HEPHL1: variants seen among roughly 807,000 people sequenced by gnomAD.
The protein encoded by HEPHL1 is ferroxidase HEPHL1.
A neutral mutation model predicts 122.0 loss-of-function variants in HEPHL1; 123 were observed. That is an observed-to-expected ratio of 1.01 (90% CI 0.87 to 1.17). HEPHL1 has a LOEUF of 1.17. Ranked by LOEUF, HEPHL1 falls within the 50% of genes most tolerant of loss-of-function variation. HEPHL1 has a pLI of 0.00. For missense variants in HEPHL1, 1,452 were observed against 1,430.5 expected (o/e 1.01, Z -0.24); for synonymous variants, 527 against 508.9 (o/e 1.04, Z -0.48).
In HEPHL1 at chr11:94,073,414, A is replaced by G; in HGVS notation, c.1479A>G (p.Ala493=). ...CCCATGGTGTGATCTATGACAAGGC[A>G]TCTGATGCAGCCCCAAACCTAGATG... is the stretch of plus-strand genomic sequence containing the variant. ...ILPHGVIYDK[A]SDAAPNLDGF... The change falls in exon 8 of 20, where the codon GCA becomes GCG. Residue 493 remains alanine, a synonymous_variant. Transcript: ENST00000315765. 6.4e-7 allele frequency: 1 copy of G among 1,556,746 alleles called. No individual in the cohort carries two copies. The highest frequency in any genetic ancestry group is 8.7e-7 in the Non-Finnish European group (1 of 1,149,164).
At chr11:94,071,562 A>G (rs965150042) in intron 6 of HEPHL1, among the ~76,000 whole-genome samples, 1 of 152,188 alleles carries the variant, frequency 6.6e-6, no homozygotes, top group Admixed American at 6.6e-5. Context: ...GAAAGATTAA[A>G]CTATATTCAA....
intron 4 of HEPHL1, among the ~76,000 whole-genome samples, chr11:94,066,424 G>A (rs1216328429): frequency 2.0e-5 from 3 of 152,018 alleles, no homozygotes; most frequent in Admixed American, 6.6e-5. Flanking sequence ...CATGGTGGTG[G>A]GCACCTGTAA....
chr11:94,093,330 T>A (rs981111445), intron 12 of HEPHL1, among the ~76,000 whole-genome samples, 171 bp from the exon 13 acceptor site: 1 of 152,038 alleles, frequency 6.6e-6, no homozygotes, highest in African/African-American at 2.4e-5. Context: ...AAAGTGCAGA[T>A]GCCTGGCCTC....
chr11:94,098,863 T>G (rs1946342718), intron 13 of HEPHL1, among the ~76,000 whole-genome samples: 1 of 152,242 alleles, frequency 6.6e-6, no homozygotes, highest in South Asian at 2.1e-4. Flanking sequence ...TTCAGCTCTA[T>G]CAGGTCATTT....
intron 18 of HEPHL1, 145 bp downstream of exon 18, chr11:94,111,210 A>G: frequency 1.4e-6 from 1 of 690,150 alleles, no homozygotes; most frequent in East Asian, 2.7e-5. Context: ...ATGTAACTAT[A>G]ATCAAGTATG....
chr11:94,082,968 ATTCCCAGC>A (rs1357957368), intron 10 of HEPHL1, among the ~76,000 whole-genome samples: 1 of 152,048 alleles, frequency 6.6e-6, no homozygotes, highest in East Asian at 1.9e-4. Flanking sequence ...GCGTGCCTAT[ATTCCCAGC>A]TACTCAGGAG....
chr11:94,104,586 A>C lies in HEPHL1; in HGVS notation c.2741A>C (p.Glu914Ala). 1.2e-6 allele frequency: 2 copies of C among 1,613,890 alleles called. No homozygotes were observed. Among genetic ancestry groups the C allele is most frequent in the South Asian group, 2.2e-5 (2 of 91,070 alleles). ...LITCRKGVLN[E>A]KGRRSDVDYE... ...ACATGCCGAAAAGGAGTCTTGAATGAAAAGGGAAGAAGAAGTGACGTTGAT... is the reference window on the plus strand; with the variant it reads ...ACATGCCGAAAAGGAGTCTTGAATGCAAAGGGAAGAAGAAGTGACGTTGAT... Residue 914 changes from glutamate (E) to alanine (A), a missense_variant, in exon 16 of 20, where the codon GAA (glutamate) becomes GCA (alanine). Glu to Ala is a moderately radical substitution (Grantham distance 107). Coordinates refer to ENST00000315765, the MANE Select transcript of HEPHL1 (RefSeq NM_001098672.2).
intron 5 of HEPHL1, among the ~76,000 whole-genome samples, chr11:94,069,162 T>C (rs907561892): frequency 6.6e-6 from 1 of 152,230 alleles, no homozygotes; most frequent in African/African-American, 2.4e-5. Flanking sequence ...GTAAGATCGC[T>C]AAATTAGCCC....
intron 2 of HEPHL1, chr11:94,055,780 AT>A (rs2134422176): frequency 2.5e-6 from 1 of 402,766 alleles, no homozygotes; most frequent in East Asian, 5.6e-5. Context: ...GTCAACGATA[AT>A]TGGTTTCTGT....
rs1308358179 is a variant in HEPHL1, at chr11:94,063,541, A to T, written c.449A>T (p.Asn150Ile). 6.2e-7 allele frequency: 1 copy of T among 1,612,514 alleles called. No homozygotes were observed. Among genetic ancestry groups the T allele is most frequent in the Non-Finnish European group, 8.5e-7 (1 of 1,179,254 alleles). The part of the protein sequence containing the change: ...ALYPDGTSGR[N>I]KNDDMVPPGK... ...TACCCAGATGGAACATCTGGAAGGA[A>T]CAAAAATGATGACATGGTTCCTCCT... Residue 150 changes from asparagine (N) to isoleucine (I), a missense_variant, in exon 3 of 20, where the codon AAC (asparagine) becomes ATC (isoleucine). Transcript: ENST00000315765.
intron 2 of HEPHL1, among the ~76,000 whole-genome samples, chr11:94,061,544 G>GT (rs59149604): frequency 0.078 from 11,873 of 152,080 alleles, 1,184 homozygotes; most frequent in African/African-American, 0.22. Flanking sequence ...AGATAACATA[G>GT]TTTTTTTAAA....
rs1946350196 is a variant in HEPHL1 at position 94,099,584 on chromosome 11, T to A, written c.2435-1611T>A. 2.0e-5 allele frequency among the ~76,000 whole-genome samples: 3 copies of A among 152,228 alleles called. No homozygotes were observed. In the South Asian group the frequency reaches 6.2e-4, roughly 31 times the overall value. On this transcript the variant is annotated intron_variant, in intron 13 of 19. Transcript: ENST00000315765. ...CGTCTGCAGAGGTTTCTGCTGCCTTTTGTTCGGCTATGCCTTGCCCCCAGG... is the reference window on the plus strand; with the variant it reads ...CGTCTGCAGAGGTTTCTGCTGCCTTATGTTCGGCTATGCCTTGCCCCCAGG...
Position 94,086,097 on chromosome 11 carries a change from G to A in HEPHL1, c.1988G>A (p.Gly663Glu), listed in dbSNP as rs1946215437. ...GACATGCATGGAATTGTTTTTCAAG[G>A]GAACACCATCCACCTACGAGGGACT... Reference protein sequence around the residue: ...DTDMHGIVFQGNTIHLRGTHR... With the variant: ...DTDMHGIVFQENTIHLRGTHR... Residue 663 changes from glycine to glutamate, a missense_variant, in exon 11 of 20, where the codon GGG becomes GAG. Physicochemically the swap from Gly to Glu is moderately conservative, Grantham distance 98. Transcript: ENST00000315765. 6.2e-7 allele frequency: 1 copy of A among 1,613,740 alleles called. No individual in the cohort carries two copies. The highest frequency in any genetic ancestry group is 8.5e-7 in the Non-Finnish European group (1 of 1,179,850).
At chr11:94,057,685 A>C (rs1165628169) in intron 2 of HEPHL1, among the ~76,000 whole-genome samples, 1 of 152,088 alleles carries the variant, frequency 6.6e-6, no homozygotes, top group Non-Finnish European at 1.5e-5. Flanking sequence ...TCAGCCCTTT[A>C]CACATAATTC....
chr11:94,033,092 G>A (rs940943147), intron 1 of HEPHL1, among the ~76,000 whole-genome samples: 7 of 152,134 alleles, frequency 4.6e-5, no homozygotes, highest in South Asian at 4.1e-4. Flanking sequence ...GTCAAACTGC[G>A]CACTTGTTTT....
chr11:94,045,787 C>G lies in HEPHL1; in HGVS notation c.285C>G (p.Pro95=). The G allele has an allele frequency of 6.2e-7, 1 of 1,613,960 alleles. No individual in the cohort carries two copies. ...GTYSIEIPKP[P]WLGFLGPILR... ...ACTCCATAGAGATCCCCAAACCTCC[C>G]TGGCTTGGATTCCTGGGCCCCATCT... Residue 95 remains proline (P), a synonymous_variant, in exon 2 of 20, where the codon CCC becomes CCG. Transcript: ENST00000315765.
chr11:94,088,650 C>A, intron 11 of HEPHL1, 105 bp from the exon 12 acceptor site: 1 of 856,570 alleles, frequency 1.2e-6, no homozygotes, highest in Non-Finnish European at 1.8e-6. Context: ...TAAAAATCCA[C>A]CTAACTGGTT....
intron 2 of HEPHL1, among the ~76,000 whole-genome samples, chr11:94,058,762 C>T (rs570163323): frequency 1.5e-4 from 23 of 152,014 alleles, no homozygotes; most frequent in Admixed American, 8.5e-4. Flanking sequence ...GATGGGGTCT[C>T]GCTATGTTGC....
At chr11:94,066,458 G>A (rs562293244) in intron 4 of HEPHL1, among the ~76,000 whole-genome samples, 2 of 152,020 alleles carry the variant, frequency 1.3e-5, no homozygotes, top group East Asian at 3.9e-4. Context: ...GGAGGCTGAG[G>A]CACAAGAATC....
Sources: allele counts gnomAD v4.1 joint callset (sites outside exome capture counted in the v4.1 genomes callset), GRCh38; gene constraint gnomAD v4.1.1; transcripts MANE v1.5; gene names NCBI Gene and HGNC (gene_info 2026-07-23, HGNC 2026-07-21).